The following FSTL4 variants were observed in gnomAD, a reference collection of about 807,000 sequenced individuals.
FSTL4 encodes follistatin like 4.
FSTL4 carries 28 observed loss-of-function variants against 78.2 expected under a neutral mutation model. The observed-to-expected ratio is 0.36, with a 90% CI of 0.27 to 0.49. The LOEUF is 0.49. Among genes scored for constraint, FSTL4 ranks in the 20% least tolerant of loss-of-function variants. FSTL4 has a pLI of 0.98. For synonymous variants in FSTL4, 422 were observed against 440.5 expected (o/e 0.96, Z 0.53); for missense variants, 922 against 1,084.9 (o/e 0.85, Z 2.11).
intron 6 of FSTL4, among the ~76,000 whole-genome samples, chr5:133,265,056 T>C (rs1485964140): frequency 6.6e-6 from 1 of 152,190 alleles, no homozygotes; most frequent in Non-Finnish European, 1.5e-5. Context: ...TCTGTGCTGC[T>C]TCCAGTAGGG....
the FSTL4 span, among the ~76,000 whole-genome samples, chr5:133,694,876 C>G: frequency 1.3e-5 from 2 of 152,186 alleles, no homozygotes; most frequent in South Asian, 4.1e-4. Context: ...GCTCCCTTGT[C>G]TCTTTTATAA....
chr5:133,522,042 T>C (rs1758991730), intron 3 of FSTL4, among the ~76,000 whole-genome samples: 1 of 152,170 alleles, frequency 6.6e-6, no homozygotes, highest in Non-Finnish European at 1.5e-5. Flanking sequence ...CAAAGCAGAA[T>C]AAGGGTATAG....
intron 3 of FSTL4, among the ~76,000 whole-genome samples, chr5:133,521,660 T>C (rs1302064694): frequency 6.6e-6 from 1 of 152,212 alleles, no homozygotes; most frequent in Non-Finnish European, 1.5e-5. Flanking sequence ...TCCTTTTCTA[T>C]TTTATTGCCC....
chr5:133,396,871 A>G (rs1250523612), intron 4 of FSTL4, among the ~76,000 whole-genome samples: 1 of 152,128 alleles, frequency 6.6e-6, no homozygotes, highest in African/African-American at 2.4e-5. Context: ...ATTTGTTTCC[A>G]AAAATGGAAA....
intron 6 of FSTL4, among the ~76,000 whole-genome samples, chr5:133,301,483 G>A (rs1753538376): frequency 6.6e-6 from 1 of 152,176 alleles, no homozygotes; most frequent in East Asian, 1.9e-4. Flanking sequence ...AAGGGGATAA[G>A]GAAGATGAGT....
chr5:133,414,071 G>A (rs1260892386), intron 3 of FSTL4, among the ~76,000 whole-genome samples: 6 of 152,108 alleles, frequency 3.9e-5, no homozygotes. Context: ...TATAATCTGT[G>A]AAAATTTTTT....
At chr5:133,647,813 G>A in the FSTL4 span, among the ~76,000 whole-genome samples, 1 of 152,210 alleles carries the variant, frequency 6.6e-6, no homozygotes, top group African/African-American at 2.4e-5. Flanking sequence ...GATCTTAGCA[G>A]TAATAACTGT....
chr5:133,450,669 C>A (rs1298827106), intron 3 of FSTL4, among the ~76,000 whole-genome samples: 1 of 152,226 alleles, frequency 6.6e-6, no homozygotes, highest in Admixed American at 6.5e-5. Flanking sequence ...CTGAGCGGAA[C>A]GCCATTAACT....
At position 133,440,701 on chromosome 5, in the gene FSTL4, G is replaced by T. The variant is rs936950148; in HGVS notation, c.161-39715C>A. Among the ~76,000 whole-genome samples the T allele has an allele frequency of 2.0e-5, 3 of 152,258 alleles. No individual in the cohort carries two copies. The highest frequency in any genetic ancestry group is 2.9e-5 in the Non-Finnish European group (2 of 68,004). On this transcript the variant is annotated intron_variant, in intron 3 of 15. Transcript: ENST00000265342. This position sits in a 1 kb window ranked among gnomAD's most constrained non-coding sequence, Gnocchi z 4.1. ...AGGCCTGGGAATGTCCAAGCAGGGGGAAGAGAAGACAGTGGAGACTGCAAG... is the reference window on the plus strand; with the variant it reads ...AGGCCTGGGAATGTCCAAGCAGGGGTAAGAGAAGACAGTGGAGACTGCAAG...
chr5:133,285,053 C>A (rs1463321774), intron 6 of FSTL4, among the ~76,000 whole-genome samples: 1 of 152,190 alleles, frequency 6.6e-6, no homozygotes, highest in African/African-American at 2.4e-5. Flanking sequence ...GCTATGGAAG[C>A]CCCACTGGGC....
At chr5:133,804,903 A>G in the FSTL4 span, among the ~76,000 whole-genome samples, 1 of 140,334 alleles carries the variant, frequency 7.1e-6, no homozygotes, top group Non-Finnish European at 1.5e-5. Flanking sequence ...AAATCGTGCC[A>G]CTGCACTCCA....
At chr5:133,215,296 GA>G (rs1260931510) in intron 13 of FSTL4, among the ~76,000 whole-genome samples, 1 of 152,102 alleles carries the variant, frequency 6.6e-6, no homozygotes, top group Non-Finnish European at 1.5e-5. Context: ...CTCCAATCTT[GA>G]CCTCTTCTCT....
chr5:133,514,906 G>A (rs190397140), intron 3 of FSTL4, among the ~76,000 whole-genome samples: 155 of 152,254 alleles, frequency 1.0e-3, no homozygotes, highest in East Asian at 8.5e-3. Context: ...AAGGAAGCTC[G>A]TCTTTACTAT....
chr5:133,767,118 T>C, the FSTL4 span, among the ~76,000 whole-genome samples: 1 of 152,114 alleles, frequency 6.6e-6, no homozygotes, highest in Non-Finnish European at 1.5e-5. Context: ...ATTTAGGAGG[T>C]GGTAACTCCT....
chr5:133,333,507 G>A (rs1410513841), intron 4 of FSTL4, among the ~76,000 whole-genome samples: 1 of 152,206 alleles, frequency 6.6e-6, no homozygotes, highest in Non-Finnish European at 1.5e-5. Context: ...GCCCCTTACT[G>A]GGCAAATCTT....
chr5:133,612,482 A>C lies in FSTL4; in HGVS notation c.-168T>G, dbSNP rs1412993186. 6.6e-6 allele frequency: 1 copy of C among 151,650 alleles called. No individual in the cohort carries two copies. The highest frequency in any genetic ancestry group is 6.6e-5 in the Admixed American group (1 of 15,236). 9.4% of individuals were successfully genotyped at this position (151,650 alleles called of 1,614,324 possible). A position where few individuals can be genotyped will look rare whatever the true frequency, so the allele number is the denominator to read the frequency against. ...GCTCGCTGGAGGCTGTTGAGGCTCCAGCTCCCTGAGCCGCCGCTGCCCGCT... is the reference window on the plus strand; with the variant it reads ...GCTCGCTGGAGGCTGTTGAGGCTCCCGCTCCCTGAGCCGCCGCTGCCCGCT... On this transcript the variant is annotated 5_prime_UTR_variant, in exon 1 of 16. Coordinates refer to ENST00000265342, the MANE Select transcript of FSTL4 (RefSeq NM_015082.2). The surrounding 1 kb of genome is among the most constrained non-coding windows in gnomAD (Gnocchi z 6.2).
chr5:133,297,041 A>C (rs1285379819), intron 6 of FSTL4, among the ~76,000 whole-genome samples: 1 of 152,218 alleles, frequency 6.6e-6, no homozygotes, highest in African/African-American at 2.4e-5. Context: ...GGTATCAGGA[A>C]GTCTTCCAGA....
At chr5:133,300,605 G>A (rs532687922) in intron 6 of FSTL4, among the ~76,000 whole-genome samples, 4 of 152,332 alleles carry the variant, frequency 2.6e-5, no homozygotes, top group South Asian at 4.1e-4. Flanking sequence ...CGAGGGATGG[G>A]TGTTTCGAAC....
the FSTL4 span, among the ~76,000 whole-genome samples, chr5:133,653,149 T>A: frequency 2.0e-5 from 3 of 152,216 alleles, no homozygotes; most frequent in African/African-American, 7.2e-5. Flanking sequence ...GGCTGTAGAC[T>A]GTTAATGCTA....
Sources: gnomAD v4.1 joint callset for allele counts (sites outside exome capture counted in the v4.1 genomes callset) on GRCh38, gnomAD v4.1.1 for gene constraint, Gnocchi (gnomAD v3.1) non-coding constraint, MANE v1.5 for transcripts, NCBI Gene and HGNC (gene_info 2026-07-23, HGNC 2026-07-21) for gene names.